FAM114A2: variants seen among roughly 807,000 people sequenced by gnomAD.
The protein encoded by FAM114A2 is family with sequence similarity 114 member A2, also known as protein FAM114A2.
In FAM114A2, 53 loss-of-function variants were observed where a neutral mutation model predicts 58.4. That is an observed-to-expected ratio of 0.91 (90% confidence interval 0.73 to 1.14). The LOEUF is 1.14. Ranked by LOEUF, FAM114A2 falls within the 50% of genes most tolerant of loss-of-function variation. The pLI is 0.00. For missense variants in FAM114A2, 601 were observed against 581.1 expected (o/e 1.03, Z -0.35); for synonymous variants, 228 against 211.4 (o/e 1.08, Z -0.68).
Position 154,003,000 on chromosome 5 carries a change from T to C in FAM114A2, c.994-31A>G, listed in dbSNP as rs780342073. 2.3e-5 allele frequency: 37 copies of C among 1,609,672 alleles called. 1 individual carries two copies. In the Middle Eastern group the frequency reaches 1.5e-3, roughly 65 times the overall value. Reference sequence around the variant, plus strand: ...TAAGAAAAATATTGGCCATCAACAATTCAATTCAGTTTACCAAAATTACTG... The same window carrying C: ...TAAGAAAAATATTGGCCATCAACAACTCAATTCAGTTTACCAAAATTACTG... On this transcript the variant is annotated intron_variant, in intron 9 of 13. Transcript: ENST00000351797.
chr5:153,993,764 AAG>A (rs1034112015), intron 13 of FAM114A2, among the ~76,000 whole-genome samples: 2 of 152,120 alleles, frequency 1.3e-5, no homozygotes, highest in African/African-American at 4.8e-5. Context: ...TTTCGAAGAC[AAG>A]AGTGTTTCAA....
At position 153,992,850 on chromosome 5, in the gene FAM114A2, A is replaced by C; in HGVS notation, c.*126T>G. ...CTGAAGGCAACAATCTTCCTCTTTA[A>C]ACCATCTCTCCTGCCTGAATTTTTA... On this transcript the variant is annotated 3_prime_UTR_variant, in exon 14 of 14. Coordinates refer to ENST00000351797, the MANE Select transcript of FAM114A2 (RefSeq NM_018691.4). 1 of 760,000 alleles carries C rather than the reference A, an allele frequency of 1.3e-6. No individual in the cohort carries two copies. The highest frequency in any genetic ancestry group is 2.1e-6 in the Non-Finnish European group (1 of 484,028). The allele number at this position is 760,000 out of a possible 1,614,324, so 47.1% of individuals were successfully genotyped here.
chr5:154,014,034 C>T (rs6580048), intron 8 of FAM114A2, among the ~76,000 whole-genome samples: 5,584 of 152,242 alleles, frequency 0.037, 261 homozygotes, highest in African/African-American at 0.1. Flanking sequence ...AATGGCAGAT[C>T]TTGATTTTGA....
At chr5:154,002,139 G>A in intron 11 of FAM114A2, 112 bp downstream of exon 11, 1 of 890,778 alleles carries the variant, frequency 1.1e-6, no homozygotes, top group Non-Finnish European at 1.8e-6. Flanking sequence ...TCTAATATGT[G>A]GATGGGTGTG....
At chr5:154,036,958 C>T (rs138173693) in intron 1 of FAM114A2, 151 of 152,296 alleles carry the variant, frequency 9.9e-4, no homozygotes, top group African/African-American at 3.2e-3. Context: ...GCTAAATAGC[C>T]GCTGGGCCCT....
Position 153,993,083 on chromosome 5 carries a change from C to T in FAM114A2, c.1411G>A (p.Asp471Asn). 2 of 1,611,882 alleles carry T rather than the reference C, an allele frequency of 1.2e-6. No homozygotes were observed. The highest frequency in any genetic ancestry group is 8.5e-7 in the Non-Finnish European group (1 of 1,178,626). The part of the protein sequence containing the change: ...EASNSASYIQ[D>N]AFQLLLPVLE... ...ACAGGTAAGAGTAGCTGAAAGGCGT[C>T]CTGGATGTAGGAGGCACTGTTTGAT... The change falls in exon 14 of 14, where the codon GAC (aspartate) becomes AAC (asparagine). Residue 471 changes from aspartate (D) to asparagine (N), a missense_variant. Coordinates refer to ENST00000351797, the MANE Select transcript of FAM114A2 (RefSeq NM_018691.4).
chr5:154,002,166 G>A, intron 11 of FAM114A2, 85 bp downstream of exon 11: 1 of 1,316,206 alleles, frequency 7.6e-7, no homozygotes, highest in Non-Finnish European at 1.1e-6. Flanking sequence ...ATGGTTTCTT[G>A]AGAGAGACGT....
intron 9 of FAM114A2, among the ~76,000 whole-genome samples, chr5:154,006,743 T>C (rs1306517830): frequency 2.6e-5 from 4 of 151,210 alleles, no homozygotes; most frequent in East Asian, 3.9e-4. Context: ...TGGAGAGTGA[T>C]AGACCACATA....
chr5:153,997,736 T>G, intron 12 of FAM114A2, 67 bp downstream of exon 12: 1 of 993,074 alleles, frequency 1.0e-6, no homozygotes, highest in South Asian at 1.4e-5. Flanking sequence ...GTGAGCAAAT[T>G]TTATGATATT....
At chr5:154,003,983 C>T (rs895598124) in intron 9 of FAM114A2, among the ~76,000 whole-genome samples, 2 of 152,146 alleles carry the variant, frequency 1.3e-5, no homozygotes, top group Admixed American at 1.3e-4. Context: ...TGTGTTGCAA[C>T]TGCCTACAGT....
At chr5:154,026,071 G>A (rs1237226780) in intron 8 of FAM114A2, among the ~76,000 whole-genome samples, 1 of 152,184 alleles carries the variant, frequency 6.6e-6, no homozygotes, top group Non-Finnish European at 1.5e-5. Flanking sequence ...TGAATGACCA[G>A]TCAAACTGAG....
intron 13 of FAM114A2, chr5:153,994,521 A>C (rs1769434654): frequency 6.3e-6 from 1 of 157,820 alleles, no homozygotes; most frequent in Non-Finnish European, 1.4e-5. Flanking sequence ...TGGCAAGGAA[A>C]TGACAACATG....
rs1313915018 is a variant in FAM114A2, at chr5:154,002,112, C to T, written c.1256+139G>A. 37 of 699,214 alleles carry T rather than the reference C, an allele frequency of 5.3e-5. 1 individual carries two copies. The South Asian group carries it at 7.6e-4, about 14-fold the overall frequency. 43.3% of individuals were successfully genotyped at this position (699,214 alleles called of 1,614,324 possible). A position where few individuals can be genotyped will look rare whatever the true frequency, so the allele number is the denominator to read the frequency against. On this transcript the variant is annotated intron_variant, in intron 11 of 13. Transcript: ENST00000351797. ...TGGTTCAATGAAAAGAAAAAAACAA[C>T]CAAAATGAACAAACCATCTAATATG...
chr5:154,023,864 T>A (rs4451096), intron 8 of FAM114A2, among the ~76,000 whole-genome samples: 5 of 152,028 alleles, frequency 3.3e-5, no homozygotes, highest in East Asian at 3.9e-4. Context: ...ATATTTCTTC[T>A]CCTTAACTGA....
intron 1 of FAM114A2, chr5:154,036,869 G>A (rs1180041462): frequency 6.6e-6 from 1 of 152,110 alleles, no homozygotes; most frequent in African/African-American, 2.4e-5. Flanking sequence ...TAAAAATATA[G>A]GCTTCCAACT....
chr5:154,035,580 T>C (rs1772499787), intron 1 of FAM114A2, among the ~76,000 whole-genome samples: 3 of 152,244 alleles, frequency 2.0e-5, no homozygotes, highest in African/African-American at 7.2e-5. Flanking sequence ...AATTTACCCA[T>C]TTATCCATCG....
intron 5 of FAM114A2, among the ~76,000 whole-genome samples, chr5:154,028,494 A>C (rs762244573): frequency 2.0e-5 from 3 of 152,224 alleles, no homozygotes; most frequent in Non-Finnish European, 4.4e-5. Flanking sequence ...CTCCAGCTGC[A>C]TGACCCAGAA....
At position 154,002,987 on chromosome 5, in the gene FAM114A2, T is replaced by C. The variant is rs1352083858; in HGVS notation, c.994-18A>G. The C allele has an allele frequency of 2.1e-5, 34 of 1,612,846 alleles. No individual in the cohort carries two copies. Among genetic ancestry groups the C allele is most frequent in the Non-Finnish European group, 2.7e-5 (32 of 1,179,154 alleles). On this transcript the variant is annotated intron_variant, in intron 9 of 13. Transcript: ENST00000351797. ...TTTCTTGCCTAAATAAGAAAAATAT[T>C]GGCCATCAACAATTCAATTCAGTTT...
At chr5:153,998,071 A>C (rs1769704383) in intron 11 of FAM114A2, among the ~76,000 whole-genome samples, 196 bp from the exon 12 acceptor site, 1 of 152,204 alleles carries the variant, frequency 6.6e-6, no homozygotes, top group Admixed American at 6.5e-5. Flanking sequence ...ATGGTCAACA[A>C]TGATCTGAAA....
Sources: allele counts gnomAD v4.1 joint callset (sites outside exome capture counted in the v4.1 genomes callset), GRCh38; gene constraint gnomAD v4.1.1; transcripts MANE v1.5; gene names NCBI Gene and HGNC (gene_info 2026-07-23, HGNC 2026-07-21).